The following DDX60 variants were observed in gnomAD, a reference collection of about 807,000 sequenced individuals.
DDX60 encodes DExD/H-box helicase 60.
In DDX60, 165 loss-of-function variants were observed where a neutral mutation model predicts 212.8. The observed-to-expected ratio is 0.78, with a 90% CI of 0.68 to 0.88. The LOEUF (loss-of-function observed/expected upper bound fraction) is 0.88. Among genes scored for constraint, DDX60 ranks in the 40% least tolerant of loss-of-function variants. The pLI, the probability that DDX60 is intolerant of heterozygous loss-of-function variation, is 0.00. For synonymous variants in DDX60, 703 were observed against 685.3 expected, an observed-to-expected ratio of 1.03 and a Z score of -0.40; for missense variants, 1,905 against 2,003.9, an observed-to-expected ratio of 0.95 and a Z score of 0.94.
intron 31 of DDX60, 21 bp downstream of exon 31, chr4:168,237,670 C>T: frequency 6.3e-7 from 1 of 1,590,384 alleles, no homozygotes; most frequent in Non-Finnish European, 8.6e-7. Context: ...TTTCCCAAAA[C>T]AAAAGTGCAG....
chr4:168,323,921 G>A, the DDX60 span, among the ~76,000 whole-genome samples: 3 of 152,268 alleles, frequency 2.0e-5, no homozygotes, highest in Admixed American at 6.5e-5. Flanking sequence ...ATGGAAAGTC[G>A]CCACATTCCA....
chr4:168,297,388 GAAAGAAAGAAAGAAA>G (rs1560870748), intron 6 of DDX60, among the ~76,000 whole-genome samples: 10 of 93,810 alleles, frequency 1.1e-4, no homozygotes, highest in African/African-American at 4.2e-4. Context: ...GAAAGAGAAA[GAAAGAAAGAAAGAAA>G]GACAATAAAT....
At chr4:168,249,107 A>C (rs1050154279) in intron 28 of DDX60, among the ~76,000 whole-genome samples, 4 of 152,272 alleles carry the variant, frequency 2.6e-5, no homozygotes, top group Admixed American at 2.6e-4. Context: ...TTTTTATGAT[A>C]GGGCAATAAT....
chr4:168,321,049 C>T (rs192041291), upstream of DDX60, among the ~76,000 whole-genome samples: 181 of 152,170 alleles, frequency 1.2e-3, no homozygotes, highest in African/African-American at 4.0e-3. Context: ...TTTCAGTGAC[C>T]GGATTTATCA....
chr4:168,234,550 A>C (rs960396547), intron 33 of DDX60, among the ~76,000 whole-genome samples: 2 of 151,962 alleles, frequency 1.3e-5, no homozygotes, highest in African/African-American at 4.8e-5. Context: ...ATCTAGTAAA[A>C]ATATCCATCT....
chr4:168,271,682 T>C (rs1265164676), intron 19 of DDX60, among the ~76,000 whole-genome samples: 1 of 152,194 alleles, frequency 6.6e-6, no homozygotes, highest in Non-Finnish European at 1.5e-5. Context: ...ACTTATGTAA[T>C]TGACATCATT....
intron 24 of DDX60, 39 bp from the exon 25 acceptor site, chr4:168,261,028 G>A (rs773556191): frequency 4.5e-6 from 7 of 1,566,564 alleles, no homozygotes; most frequent in Non-Finnish European, 6.0e-6. Context: ...AGTTCTGCAT[G>A]AGAAAGAAAG....
rs528942047 is a variant in DDX60, at chr4:168,241,559, G to A, written c.4165-3764C>T. On this transcript the variant is annotated intron_variant, in intron 30 of 37. Transcript: ENST00000393743. Reference sequence around the variant, plus strand: ...TTCGTTATGTTTTAGCAAAAAGACGGGCAGCATTTTGCCTCTGCCTGAGAG... The same window carrying A: ...TTCGTTATGTTTTAGCAAAAAGACGAGCAGCATTTTGCCTCTGCCTGAGAG... 2.6e-5 allele frequency among the ~76,000 whole-genome samples: 4 copies of A among 152,248 alleles called. No homozygotes were observed. The East Asian group carries it at 7.7e-4, about 29-fold the overall frequency.
chr4:168,305,184 T>C (rs1255693258), intron 5 of DDX60, among the ~76,000 whole-genome samples: 2 of 152,230 alleles, frequency 1.3e-5, no homozygotes, highest in Non-Finnish European at 2.9e-5. Context: ...CCTAAGGGTG[T>C]CATAGGCTAT....
chr4:168,266,133 C>G (rs919942406), intron 22 of DDX60, among the ~76,000 whole-genome samples: 3 of 152,124 alleles, frequency 2.0e-5, no homozygotes, highest in Non-Finnish European at 4.4e-5. Context: ...TGTATCCTGG[C>G]CCCACCATTT....
intron 34 of DDX60, among the ~76,000 whole-genome samples, chr4:168,224,992 T>C (rs895780664): frequency 1.3e-5 from 2 of 152,040 alleles, no homozygotes; most frequent in Non-Finnish European, 2.9e-5. Context: ...GTGTTAACCA[T>C]GTACAAAACA....
At chr4:168,285,670 G>A (rs1252929983) in intron 10 of DDX60, among the ~76,000 whole-genome samples, 172 bp from the exon 11 acceptor site, 2 of 150,354 alleles carry the variant, frequency 1.3e-5, no homozygotes, top group African/African-American at 4.9e-5. Context: ...AAACACTTTG[G>A]AACACAGTAG....
chr4:168,248,233 A>C lies in DDX60; in HGVS notation c.3918T>G (p.Val1306=). 1 of 1,611,138 alleles carries C rather than the reference A, an allele frequency of 6.2e-7. No homozygotes were observed. Among genetic ancestry groups the C allele is most frequent in the Non-Finnish European group, 8.5e-7 (1 of 1,178,998 alleles). The change falls in exon 29 of 38, where the codon GTT becomes GTG. Residue 1306 remains valine, a synonymous_variant. Transcript: ENST00000393743. ...LGVNMPCKSV[V]FAQNSVYLDA... Reference sequence around the variant, plus strand: ...CCAGATAGACTGAGTTTTGAGCAAAAACCACAGATTTACAAGGCATGTTGA... The same window carrying C: ...CCAGATAGACTGAGTTTTGAGCAAACACCACAGATTTACAAGGCATGTTGA...
chr4:168,273,873 C>A, intron 17 of DDX60, 61 bp downstream of exon 17: 2 of 1,540,440 alleles, frequency 1.3e-6, no homozygotes, highest in South Asian at 1.2e-5. Context: ...TGACCATGTT[C>A]ATTATTTTTA....
chr4:168,226,378 A>C (rs1353584921), intron 33 of DDX60, among the ~76,000 whole-genome samples: 2 of 152,038 alleles, frequency 1.3e-5, no homozygotes, highest in Non-Finnish European at 2.9e-5. Context: ...AGTCCTCATA[A>C]CTGGAATTAG....
intron 28 of DDX60, 86 bp from the exon 29 acceptor site, chr4:168,248,378 C>T: frequency 1.0e-6 from 1 of 969,420 alleles, no homozygotes; most frequent in Non-Finnish European, 1.5e-6. Context: ...CTGAAAAACT[C>T]TTTGAGCTTC....
intron 9 of DDX60, among the ~76,000 whole-genome samples, chr4:168,287,494 GT>G (rs1257295974): frequency 6.6e-6 from 1 of 152,234 alleles, no homozygotes; most frequent in South Asian, 2.1e-4. Flanking sequence ...TAATAAAAAT[GT>G]TATGCCACAC....
At chr4:168,315,274 TG>T (rs1443536955) in intron 1 of DDX60, among the ~76,000 whole-genome samples, 2 of 152,338 alleles carry the variant, frequency 1.3e-5, no homozygotes, top group Admixed American at 1.3e-4. Flanking sequence ...CTGGATGTTT[TG>T]ATAAAATAAA....
chr4:168,276,922 C>T (rs1270836925), intron 14 of DDX60, among the ~76,000 whole-genome samples: 2 of 152,160 alleles, frequency 1.3e-5, no homozygotes, highest in Non-Finnish European at 2.9e-5. Context: ...TGATCATTCC[C>T]AATTAAGCAG....
Sources: gnomAD v4.1 joint callset for allele counts (sites outside exome capture counted in the v4.1 genomes callset) on GRCh38, gnomAD v4.1.1 for gene constraint, MANE v1.5 for transcripts, NCBI Gene and HGNC (gene_info 2026-07-23, HGNC 2026-07-21) for gene names.